GATA3: variants seen among roughly 807,000 people sequenced by gnomAD.
The protein encoded by GATA3 is trans-acting T-cell-specific transcription factor GATA-3.
Under a neutral mutation model 36.0 loss-of-function variants are expected in GATA3, and 6 were observed. The ratio of observed to expected loss-of-function variants is 0.17; its 90% CI spans 0.09 to 0.33. The LOEUF (loss-of-function observed/expected upper bound fraction) is 0.33. Among genes scored for constraint, GATA3 ranks in the 10% least tolerant of loss-of-function variants. The pLI is 1.00. For missense variants in GATA3, 514 were observed against 610.1 expected (o/e 0.84, Z 1.66); for synonymous variants, 326 against 273.0 (o/e 1.19, Z -1.92).
At chr10:8,069,342 C>A in intron 4 of GATA3, 131 bp from the exon 5 acceptor site, 1 of 937,944 alleles carries the variant, frequency 1.1e-6, no homozygotes. Flanking sequence ...TTCATGTGGA[C>A]CACTTGCTAG....
chr10:8,063,366 G>C (rs370748869), intron 3 of GATA3, among the ~76,000 whole-genome samples: 1 of 152,084 alleles, frequency 6.6e-6, no homozygotes, highest in African/African-American at 2.4e-5. Context: ...GGTCCTAATC[G>C]CTTCCTTTCC....
In GATA3 at chr10:8,046,691, G is replaced by GTGTGTGTGTGTGTC. The variant is rs58533845; in HGVS notation, c.-370+1177_-370+1178insGTGTGTGTGTGTCT. 3.3e-3 allele frequency among the ~76,000 whole-genome samples: 481 copies of GTGTGTGTGTGTGTC among 145,074 alleles called. 5 individuals are homozygous for GTGTGTGTGTGTGTC. Among genetic ancestry groups the GTGTGTGTGTGTGTC allele is most frequent in the African/African-American group, 6.9e-3 (262 of 38,214 alleles). On this transcript the variant is annotated intron_variant, in intron 1 of 1. Coordinates refer to the GATA3 transcript ENST00000643001. ...TGTGTGTGTGTGTGTGTGTGTGTGT[G>GTGTGTGTGTGTGTC]TCAGGGGCTTACCATGACATGTTTG...
intron 5 of GATA3, among the ~76,000 whole-genome samples, chr10:8,070,162 C>G (rs1222309866): frequency 6.6e-6 from 1 of 152,136 alleles, no homozygotes; most frequent in Non-Finnish European, 1.5e-5. Context: ...TGTCTTTGTC[C>G]GAACCAACTT....
rs1370931264 is a variant in GATA3, at chr10:8,058,569, C to T, written c.506C>T (p.Thr169Ile). ...KDVSPDPSLS[T>I]PGSAGSARQD... The stretch of plus-strand genomic sequence containing the variant: ...GTCTCCCCGGACCCATCGCTGTCCA[C>T]CCCAGGCTCGGCCGGCTCGGCCCGG... Residue 169 changes from threonine (T) to isoleucine (I), a missense_variant, in exon 3 of 6, where the codon ACC becomes ATC. By Grantham distance (89) the Thr-to-Ile change is moderately conservative (BLOSUM62 -1). This residue lies in a region of GATA3 where 381 missense variants were observed against 354.3 expected (regional missense o/e 1.08). Coordinates refer to ENST00000379328, the MANE Select transcript of GATA3 (RefSeq NM_001002295.2). 1.2e-6 allele frequency: 2 copies of T among 1,612,644 alleles called. No homozygotes were observed. The highest frequency in any genetic ancestry group is 1.1e-5 in the South Asian group (1 of 91,076).
At chr10:8,067,933 A>G (rs528215827) in intron 4 of GATA3, among the ~76,000 whole-genome samples, 2 of 152,338 alleles carry the variant, frequency 1.3e-5, no homozygotes, top group Admixed American at 6.5e-5. Flanking sequence ...TTTCTTCATC[A>G]CAGACAGAGA....
chr10:8,050,997 G>A (rs915288376), upstream of GATA3: 4 of 501,362 alleles, frequency 8.0e-6, no homozygotes, highest in Non-Finnish European at 1.6e-5. Context: ...GGCTCTGGTG[G>A]GTGGCCCGGC....
intron 2 of GATA3, among the ~76,000 whole-genome samples, chr10:8,057,747 C>T (rs919654041): frequency 2.0e-5 from 3 of 152,300 alleles, no homozygotes; most frequent in African/African-American, 7.2e-5. Flanking sequence ...TGTCCCAAGG[C>T]CTCTCCTTCC....
At chr10:8,050,336 C>T (rs186597901), upstream of GATA3, 665 of 152,452 alleles carry the variant, frequency 4.4e-3, 1 homozygote, top group Non-Finnish European at 6.2e-3. Context: ...AAAGCTCTGG[C>T]CCCCGGCCTG....
chr10:8,050,135 A>G (rs1588366975), upstream of GATA3, among the ~76,000 whole-genome samples: 1 of 152,306 alleles, frequency 6.6e-6, no homozygotes, highest in Non-Finnish European at 1.5e-5. Flanking sequence ...CGCCTCCCCA[A>G]GCGGACCCTC....
chr10:8,051,222 T>C (rs485411), upstream of GATA3: 329,502 of 413,316 alleles, frequency 0.8, 132,646 homozygotes, highest in East Asian at 0.95. Context: ...CCCTACCGAG[T>C]GGAGAAAGTC....
chr10:8,060,823 T>C (rs1251368376), intron 3 of GATA3, among the ~76,000 whole-genome samples: 1 of 152,218 alleles, frequency 6.6e-6, no homozygotes, highest in Non-Finnish European at 1.5e-5. Flanking sequence ...GGAATACCGA[T>C]ACACCGATTT....
At chr10:8,054,519 G>A (rs527661727), upstream of GATA3, 1 of 152,140 alleles carries the variant, frequency 6.6e-6, no homozygotes, top group South Asian at 2.1e-4. The surrounding 1 kb of genome is among the most constrained non-coding windows in gnomAD (Gnocchi z 4.2). Flanking sequence ...GGAGGGGCGG[G>A]AGGAGGGGCG....
At chr10:8,071,978 G>C (rs1202760877) in intron 5 of GATA3, among the ~76,000 whole-genome samples, 1 of 152,180 alleles carries the variant, frequency 6.6e-6, no homozygotes, top group Non-Finnish European at 1.5e-5. Flanking sequence ...CATTATCTTG[G>C]TGAAGATTTG....
At chr10:8,053,530 C>A (rs1178272731), upstream of GATA3, 1 of 152,192 alleles carries the variant, frequency 6.6e-6, no homozygotes, top group Admixed American at 6.5e-5. The surrounding 1 kb of genome is among the most constrained non-coding windows in gnomAD (Gnocchi z 5.1). Context: ...GCGGACCAAT[C>A]GCGGCTCGGC....
chr10:8,052,865 C>T (rs1468058980), upstream of GATA3: 1 of 121,888 alleles, frequency 8.2e-6, no homozygotes, highest in Admixed American at 1.0e-4. Flanking sequence ...CGCCTAATAA[C>T]GGGAGACCAA....
chr10:8,061,385 A>T (rs1285940429), intron 3 of GATA3, among the ~76,000 whole-genome samples: 2 of 152,140 alleles, frequency 1.3e-5, no homozygotes, highest in African/African-American at 4.8e-5. Flanking sequence ...AGCCTGGTTT[A>T]AGGGTTTCAG....
intron 4 of GATA3, among the ~76,000 whole-genome samples, chr10:8,065,937 G>T (rs1588385777): frequency 1.5e-4 from 13 of 84,190 alleles, no homozygotes; most frequent in East Asian, 1.1e-3. Flanking sequence ...AGAATGTTTT[G>T]AATCACTCAA....
Position 8,055,581 on chromosome 10 carries a change from C to T in GATA3, c.-75C>T. 1.3e-6 allele frequency: 2 copies of T among 1,520,884 alleles called. No individual in the cohort carries two copies. Among genetic ancestry groups the T allele is most frequent in the Middle Eastern group, 2.2e-4 (1 of 4,454 alleles). The allele number at this position is 1,520,884 out of a possible 1,614,324, so 94.2% of individuals were successfully genotyped here. On this transcript the variant is annotated 5_prime_UTR_variant, in exon 2 of 6. Coordinates refer to ENST00000379328, the MANE Select transcript of GATA3 (RefSeq NM_001002295.2). This position sits in a 1 kb window ranked among gnomAD's most constrained non-coding sequence, Gnocchi z 5.4. ...CCTCCGACGGCAGGAGCCCCCCGAC[C>T]TCCCAGGCGGACCGCCCTCCCTCCC... is the stretch of plus-strand genomic sequence containing the variant.
At chr10:8,071,423 TTAAC>T (rs1374751291) in intron 5 of GATA3, among the ~76,000 whole-genome samples, 2 of 152,334 alleles carry the variant, frequency 1.3e-5, no homozygotes, top group South Asian at 4.1e-4. Context: ...TTATAGGAGA[TTAAC>T]TAGCTATATG....
Sources: gnomAD v4.1 joint callset for allele counts (sites outside exome capture counted in the v4.1 genomes callset) on GRCh38, gnomAD v4.1.1 for gene constraint, gnomAD v4.1.1 regional missense constraint, Gnocchi (gnomAD v3.1) non-coding constraint, MANE v1.5 for transcripts, NCBI Gene and HGNC (gene_info 2026-07-23, HGNC 2026-07-21) for gene names.